PEAK1: variants seen among roughly 807,000 people sequenced by gnomAD.
PEAK1 encodes inactive tyrosine-protein kinase PEAK1.
PEAK1 carries 54 observed loss-of-function variants against 124.7 expected under a neutral mutation model. The observed-to-expected ratio is 0.43, with a 90% confidence interval of 0.35 to 0.54. The LOEUF (loss-of-function observed/expected upper bound fraction) is 0.54, where lower values mean the gene tolerates loss of function less well. PEAK1 is among the 20% of genes least tolerant of loss of function. The probability of loss-of-function intolerance (pLI) is 0.01; values close to 1 mark genes in which losing one functional copy is unlikely to be tolerated. For missense variants in PEAK1, 2,046 were observed against 2,134.5 expected (o/e 0.96, Z 0.82); for synonymous variants, 719 against 760.0 (o/e 0.95, Z 0.89).
intron 6 of PEAK1, among the ~76,000 whole-genome samples, chr15:77,218,218 A>C (rs1329286630): frequency 6.6e-6 from 1 of 152,190 alleles, no homozygotes; most frequent in African/African-American, 2.4e-5. Flanking sequence ...TTCATCATCA[A>C]AGATGAATAT....
intron 2 of PEAK1, among the ~76,000 whole-genome samples, chr15:77,355,150 A>C (rs2067441523): frequency 6.6e-6 from 1 of 152,192 alleles, no homozygotes; most frequent in South Asian, 2.1e-4. Flanking sequence ...AGAAAGAAAG[A>C]AAATAAGTAC....
rs906070007 is a variant in PEAK1, at chr15:77,347,391, C to T, written c.-603+17772G>A. On this transcript the variant is annotated intron_variant, in intron 2 of 9. Transcript: ENST00000682557. Reference sequence around the variant, plus strand: ...AAGAGGTTTCTGAATCAGAAAGAATCGGCATCAGAGTACTGGCTGAATCAG... The same window carrying T: ...AAGAGGTTTCTGAATCAGAAAGAATTGGCATCAGAGTACTGGCTGAATCAG... 8.1e-6 allele frequency: 8 copies of T among 985,150 alleles called. No homozygotes were observed. The African/African-American group carries it at 1.0e-4, about 13-fold the overall frequency. 61.0% of individuals were successfully genotyped at this position (985,150 alleles called of 1,614,324 possible).
intron 9 of PEAK1, among the ~76,000 whole-genome samples, chr15:77,126,192 T>C (rs899597983): frequency 1.3e-5 from 2 of 152,232 alleles, no homozygotes; most frequent in Admixed American, 6.5e-5. Flanking sequence ...TTCTTAAAGT[T>C]ATGATCATGT....
chr15:77,231,789 A>C (rs2059919990), intron 6 of PEAK1, among the ~76,000 whole-genome samples: 1 of 152,176 alleles, frequency 6.6e-6, no homozygotes, highest in African/African-American at 2.4e-5. Flanking sequence ...TTAAAAGCTA[A>C]ATTTATATGA....
At chr15:77,364,456 G>T (rs1473922) in intron 2 of PEAK1, among the ~76,000 whole-genome samples, 99,739 of 152,024 alleles carry the variant, frequency 0.66, 33,667 homozygotes, top group Non-Finnish European at 0.75. Flanking sequence ...AGTAGTAGAC[G>T]GACAGGCTGA....
In PEAK1 at chr15:77,133,448, T is replaced by A; in HGVS notation, c.3634A>T (p.Ile1212Phe). The A allele has an allele frequency of 1.2e-6, 2 of 1,614,216 alleles. No individual in the cohort carries two copies. The highest frequency in any genetic ancestry group is 1.7e-6 in the Non-Finnish European group (2 of 1,180,032). Reference protein sequence around the residue: ...SISYELKGLDIESYDSLERPL... With the variant: ...SISYELKGLDFESYDSLERPL... ...CTTTCCAAGGAGTCATAAGACTCAA[T>A]GTCCAGTCCTTTGAGTTCATAGCTG... The change falls in exon 9 of 10, where the codon ATT becomes TTT. Residue 1212 changes from isoleucine to phenylalanine, a missense_variant. Ile to Phe is a conservative substitution (Grantham distance 21). Transcript: ENST00000682557. The surrounding 1 kb of genome is among the most constrained non-coding windows in gnomAD (Gnocchi z 4.2).
chr15:77,180,236 T>A lies in PEAK1; in HGVS notation c.1691A>T (p.Asn564Ile). ...TGATGTAGGTGCTGATTTGTGACAG[T>A]TTTTCCTTGGAGGAACATTTGGTCC... is the stretch of plus-strand genomic sequence containing the variant. Reference protein sequence around the residue: ...GTGPNVPPRKNCHKSAPTSPT... With the variant: ...GTGPNVPPRKICHKSAPTSPT... Residue 564 changes from asparagine to isoleucine, a missense_variant, in exon 7 of 10, where the codon AAC becomes ATC. Coordinates refer to ENST00000682557, the MANE Select transcript of PEAK1 (RefSeq NM_001385026.1). 6.2e-7 allele frequency: 1 copy of A among 1,614,190 alleles called. No homozygotes were observed. The highest frequency in any genetic ancestry group is 8.5e-7 in the Non-Finnish European group (1 of 1,180,028).
chr15:77,388,374 A>C (rs2070141888), intron 1 of PEAK1, among the ~76,000 whole-genome samples: 1 of 152,214 alleles, frequency 6.6e-6, no homozygotes, highest in African/African-American at 2.4e-5. Context: ...CAGCTAATGA[A>C]ATCTGTATCA....
chr15:77,408,507 C>T (rs1226723706), intron 1 of PEAK1, among the ~76,000 whole-genome samples: 2 of 151,828 alleles, frequency 1.3e-5, no homozygotes, highest in African/African-American at 4.8e-5. Flanking sequence ...AACCAACCAC[C>T]ACCTGTTCCC....
intron 2 of PEAK1, among the ~76,000 whole-genome samples, chr15:77,340,332 A>G (rs186860040): frequency 6.6e-6 from 1 of 152,362 alleles, no homozygotes; most frequent in African/African-American, 2.4e-5. Context: ...AGGAAGCTTG[A>G]ACTAACACAG....
intron 5 of PEAK1, among the ~76,000 whole-genome samples, chr15:77,282,661 A>G (rs2062731957): frequency 2.0e-5 from 3 of 152,144 alleles, no homozygotes; most frequent in African/African-American, 7.2e-5. Flanking sequence ...AAAATTCCAA[A>G]CCCTCAGTTA....
chr15:77,321,130 G>A (rs78387610), intron 2 of PEAK1, among the ~76,000 whole-genome samples: 11,686 of 152,252 alleles, frequency 0.077, 558 homozygotes, highest in Non-Finnish European at 0.1. Context: ...ATGTGTGCAT[G>A]TGTCTTTATA....
intron 6 of PEAK1, among the ~76,000 whole-genome samples, chr15:77,244,689 A>G (rs1487833783): frequency 6.6e-6 from 1 of 152,014 alleles, no homozygotes; most frequent in Non-Finnish European, 1.5e-5. Flanking sequence ...CCTGGGTCCA[A>G]GCAATTCTCA....
chr15:77,218,783 T>C (rs2059257819), intron 6 of PEAK1, among the ~76,000 whole-genome samples: 1 of 152,114 alleles, frequency 6.6e-6, no homozygotes. Context: ...GTTTCTCTTT[T>C]CTGATTCACT....
At chr15:77,311,763 G>A (rs536823938) in intron 2 of PEAK1, among the ~76,000 whole-genome samples, 1 of 151,226 alleles carries the variant, frequency 6.6e-6, no homozygotes, top group African/African-American at 2.4e-5. Context: ...TAAGGTGTGC[G>A]TCTGGTGGGG....
At chr15:77,237,678 C>T (rs2060184567) in intron 6 of PEAK1, among the ~76,000 whole-genome samples, 3 of 151,844 alleles carry the variant, frequency 2.0e-5, no homozygotes, top group South Asian at 2.1e-4. Context: ...AAGATGTGTG[C>T]TAAAATCTCC....
chr15:77,153,647 C>G (rs2054859458), intron 8 of PEAK1, among the ~76,000 whole-genome samples: 1 of 152,164 alleles, frequency 6.6e-6, no homozygotes, highest in Non-Finnish European at 1.5e-5. Context: ...CCTCTATGCA[C>G]TGCTTTGAAT....
chr15:77,118,161 G>A (rs2051566841), intron 9 of PEAK1, among the ~76,000 whole-genome samples: 2 of 152,136 alleles, frequency 1.3e-5, no homozygotes, highest in Admixed American at 1.3e-4. Context: ...AGTCACTCTA[G>A]CTTTAAGAGC....
At position 77,382,084 on chromosome 15, in the gene PEAK1, T is replaced by C. The variant is rs994970554; in HGVS notation, c.-665-16859A>G. 1.5e-4 allele frequency among the ~76,000 whole-genome samples: 23 copies of C among 152,140 alleles called. 1 individual carries two copies. Among genetic ancestry groups the C allele is most frequent in the Admixed American group, 1.1e-3 (17 of 15,282 alleles). On this transcript the variant is annotated intron_variant, in intron 1 of 9. Coordinates refer to ENST00000682557, the MANE Select transcript of PEAK1 (RefSeq NM_001385026.1). ...CTAGACTCCATCCATGTCTCTCTCT[T>C]TCTCTCTCACTCTCACTCATACCCT... is the stretch of plus-strand genomic sequence containing the variant.
Sources: allele counts gnomAD v4.1 joint callset (sites outside exome capture counted in the v4.1 genomes callset), GRCh38; gene constraint gnomAD v4.1.1; non-coding constraint Gnocchi (gnomAD v3.1); transcripts MANE v1.5; gene names NCBI Gene and HGNC (gene_info 2026-07-23, HGNC 2026-07-21).